Variants in SLC30A4 observed in about 807,000 individuals in gnomAD.
The protein encoded by SLC30A4 is solute carrier family 30 member 4.
In SLC30A4, 20 loss-of-function variants were observed where a neutral mutation model predicts 41.7. The ratio of observed to expected loss-of-function variants is 0.48; its 90% CI spans 0.34 to 0.70. SLC30A4 has a LOEUF of 0.70. Among genes scored for constraint, SLC30A4 ranks in the 30% least tolerant of loss-of-function variants. SLC30A4 has a pLI of 0.01. For synonymous variants in SLC30A4, 181 were observed against 195.9 expected, an observed-to-expected ratio of 0.92 and a Z score of 0.64; for missense variants, 441 against 529.3, an observed-to-expected ratio of 0.83 and a Z score of 1.64.
intron 3 of SLC30A4, among the ~76,000 whole-genome samples, chr15:45,491,648 G>A (rs1404427815): frequency 6.6e-6 from 1 of 152,146 alleles, no homozygotes; most frequent in East Asian, 1.9e-4. Flanking sequence ...ACACATGTAT[G>A]TGAACACCTA....
chr15:45,489,519 G>C (rs762537155), intron 4 of SLC30A4, among the ~76,000 whole-genome samples: 1 of 150,234 alleles, frequency 6.7e-6, no homozygotes, highest in Non-Finnish European at 1.5e-5. Context: ...CTGTGGGCCA[G>C]AATAAAGTGA....
In SLC30A4 at chr15:45,482,432, T is replaced by G. The variant is rs1484692284; in HGVS notation, c.*2731A>C. On this transcript the variant is annotated 3_prime_UTR_variant, in exon 8 of 8. Transcript: ENST00000261867. ...CACCATCTTAAAAAAAAAAAAAGAA[T>G]TCTTTTCAATACTCAAATGAATTTT... 1 of 151,722 alleles carries G rather than the reference T, an allele frequency of 6.6e-6. No homozygotes were observed. The highest frequency in any genetic ancestry group is 1.5e-5 in the Non-Finnish European group (1 of 67,906). The allele number at this position is 151,722 out of a possible 1,614,324, so 9.4% of individuals were successfully genotyped here.
chr15:45,482,203 A>T lies in SLC30A4; in HGVS notation c.*2960T>A, dbSNP rs1416575688. ...GAGGCCGAGGTGGGCAGATCACTTG[A>T]GCTCAGGAGTTCAAGACCAGCCTGG... On this transcript the variant is annotated 3_prime_UTR_variant, in exon 8 of 8. Transcript: ENST00000261867. 6.6e-6 allele frequency: 1 copy of T among 152,164 alleles called. No homozygotes were observed. Among genetic ancestry groups the T allele is most frequent in the African/African-American group, 2.4e-5 (1 of 41,298 alleles). The allele number at this position is 152,164 out of a possible 1,614,324, so 9.4% of individuals were successfully genotyped here.
chr15:45,517,345 CTTTTTTTTTTTTTTT>C (rs1166130286), intron 2 of SLC30A4, among the ~76,000 whole-genome samples: 5 of 65,576 alleles, frequency 7.6e-5, no homozygotes, highest in African/African-American at 2.5e-4. Flanking sequence ...CCAATCCATT[CTTTTTTTTTTTTTTT>C]TTTTTTTTTT....
chr15:45,515,425 C>T lies in SLC30A4; in HGVS notation c.392-4141G>A, dbSNP rs544032145. On this transcript the variant is annotated intron_variant, in intron 2 of 7. Transcript: ENST00000261867. ...ATCCCAGCACTTTGGGAGGCCGAGG[C>T]GGGTGGATCACGAGGTCAGGAGATG... Among the ~76,000 whole-genome samples the T allele has an allele frequency of 5.3e-5, 8 of 152,116 alleles. No homozygotes were observed. The South Asian group carries it at 1.2e-3, about 24-fold the overall frequency.
chr15:45,494,382 CAT>C (rs934102239), intron 3 of SLC30A4, among the ~76,000 whole-genome samples: 2 of 152,104 alleles, frequency 1.3e-5, no homozygotes, highest in African/African-American at 4.8e-5. Flanking sequence ...GTGAAGTACA[CAT>C]ATAAAAATAC....
At chr15:45,501,160 T>G (rs1892024347) in intron 3 of SLC30A4, among the ~76,000 whole-genome samples, 1 of 151,586 alleles carries the variant, frequency 6.6e-6, no homozygotes. Context: ...ACAAAAAAAT[T>G]AGCTGGGCGT....
At chr15:45,492,004 A>G (rs1369459165) in intron 3 of SLC30A4, among the ~76,000 whole-genome samples, 1 of 152,200 alleles carries the variant, frequency 6.6e-6, no homozygotes, top group Non-Finnish European at 1.5e-5. Context: ...CAAAAGTTTG[A>G]TAATAGCCAG....
At position 45,480,739 on chromosome 15, in the gene SLC30A4, T is replaced by A. The variant is rs192787221; in HGVS notation, c.*4424A>T. 6.6e-6 allele frequency: 1 copy of A among 152,148 alleles called. No individual in the cohort carries two copies. Among genetic ancestry groups the A allele is most frequent in the East Asian group, 1.9e-4 (1 of 5,186 alleles). The allele number at this position is 152,148 out of a possible 1,614,324, so 9.4% of individuals were successfully genotyped here. A position where few individuals can be genotyped will look rare whatever the true frequency, so the allele number is the denominator to read the frequency against. ...AGTTGAGCCAATTAACATATATGCA[T>A]AAAAGGAAAATAGATTTAGCTAACT... is the stretch of plus-strand genomic sequence containing the variant. On this transcript the variant is annotated 3_prime_UTR_variant, in exon 8 of 8. Coordinates refer to ENST00000261867, the MANE Select transcript of SLC30A4 (RefSeq NM_013309.6).
In SLC30A4 at chr15:45,489,011, G is replaced by T. The variant is rs757228754; in HGVS notation, c.724C>A (p.Arg242Ser). The change falls in exon 5 of 8, where the codon CGT becomes AGT. Residue 242 changes from arginine to serine, a missense_variant. Arg to Ser is a moderately radical substitution (Grantham distance 110). Transcript: ENST00000261867. ...MGFLLNQSGH[R>S]HSHSHSLPSN... ...GGCAGGGAGTGGGAATGGGAGTGAC[G>T]GTGACCAGACTGGTTCAACAGAAAC... 1 of 1,613,706 alleles carries T rather than the reference G, an allele frequency of 6.2e-7. No homozygotes were observed. Among genetic ancestry groups the T allele is most frequent in the East Asian group, 2.2e-5 (1 of 44,856 alleles).
chr15:45,521,419 C>A (rs1282138805), intron 2 of SLC30A4, among the ~76,000 whole-genome samples: 1 of 152,002 alleles, frequency 6.6e-6, no homozygotes, highest in Non-Finnish European at 1.5e-5. Context: ...ATAAAAGAAA[C>A]CACTTAGGTC....
intron 2 of SLC30A4, among the ~76,000 whole-genome samples, chr15:45,513,276 A>G (rs754611080): frequency 1.3e-5 from 2 of 150,968 alleles, no homozygotes; most frequent in Non-Finnish European, 2.9e-5. Flanking sequence ...TGTGATCATA[A>G]CTCACTGCAG....
At chr15:45,490,061 G>A (rs1891780290) in intron 4 of SLC30A4, among the ~76,000 whole-genome samples, 1 of 152,106 alleles carries the variant, frequency 6.6e-6, no homozygotes, top group Non-Finnish European at 1.5e-5. Context: ...TGGTCTAAAT[G>A]ATTAAATCTG....
At chr15:45,499,706 A>G (rs1891982089) in intron 3 of SLC30A4, among the ~76,000 whole-genome samples, 1 of 152,174 alleles carries the variant, frequency 6.6e-6, no homozygotes, top group Non-Finnish European at 1.5e-5. Flanking sequence ...TCAAAATTGT[A>G]TTACCTTCCA....
In SLC30A4 at chr15:45,482,048, C is replaced by G; in HGVS notation, c.*3115G>C. The stretch of plus-strand genomic sequence containing the variant: ...CCAGCCTGGGCAACATAGGGAGACC[C>G]CATCTCATTAAAAAAAAAAAAAAAA... On this transcript the variant is annotated 3_prime_UTR_variant, in exon 8 of 8. Transcript: ENST00000261867. 1 of 132,264 alleles carries G rather than the reference C, an allele frequency of 7.6e-6. No homozygotes were observed. 8.2% of individuals were successfully genotyped at this position (132,264 alleles called of 1,614,324 possible). A position where few individuals can be genotyped will look rare whatever the true frequency, so the allele number is the denominator to read the frequency against.
intron 3 of SLC30A4, among the ~76,000 whole-genome samples, chr15:45,491,444 G>A (rs1279253563): frequency 6.6e-6 from 1 of 152,202 alleles, no homozygotes; most frequent in African/African-American, 2.4e-5. Context: ...TCAGTAACAG[G>A]TAAGGTGTGG....
intron 3 of SLC30A4, 88 bp from the exon 4 acceptor site, chr15:45,490,969 TTC>T (rs1891799647): frequency 1.1e-6 from 1 of 881,192 alleles, no homozygotes; most frequent in South Asian, 2.7e-5. Context: ...CTTTTTTATA[TTC>T]TTTCCTCTAA....
rs570038238 is a variant in SLC30A4 at position 45,503,414 on chromosome 15, C to T, written c.538+7724G>A. On this transcript the variant is annotated intron_variant, in intron 3 of 7. Transcript: ENST00000261867. ...CGGGCGGATCACAAGGTCAGGAGTTCGAGACCAGCATGGCCAATATGGTGA... is the reference window on the plus strand; with the variant it reads ...CGGGCGGATCACAAGGTCAGGAGTTTGAGACCAGCATGGCCAATATGGTGA... 9.2e-5 allele frequency among the ~76,000 whole-genome samples: 14 copies of T among 151,886 alleles called. No individual in the cohort carries two copies. In the South Asian group the frequency reaches 2.1e-3, roughly 23 times the overall value.
At chr15:45,521,499 G>A (rs376178119) in intron 2 of SLC30A4, among the ~76,000 whole-genome samples, 5 of 151,638 alleles carry the variant, frequency 3.3e-5, no homozygotes, top group African/African-American at 1.2e-4. Flanking sequence ...TGGCCCTCAC[G>A]ACTTATTCCA....
Sources: gnomAD v4.1 joint callset for allele counts (sites outside exome capture counted in the v4.1 genomes callset) on GRCh38, gnomAD v4.1.1 for gene constraint, MANE v1.5 for transcripts, NCBI Gene and HGNC (gene_info 2026-07-23, HGNC 2026-07-21) for gene names.